PLCH2: variants seen among roughly 807,000 people sequenced by gnomAD.
PLCH2 encodes 1-phosphatidylinositol 4,5-bisphosphate phosphodiesterase eta-2.
A neutral mutation model predicts 134.7 loss-of-function variants in PLCH2; 98 were observed. The observed-to-expected ratio is 0.73, with a 90% CI of 0.62 to 0.86. The LOEUF is 0.86. Among genes scored for constraint, PLCH2 ranks in the 40% least tolerant of loss-of-function variants. The probability of loss-of-function intolerance (pLI) is 0.00; values close to 1 mark genes in which losing one functional copy is unlikely to be tolerated. For synonymous variants in PLCH2, 974 were observed against 827.5 expected (o/e 1.18, Z -3.04); for missense variants, 1,994 against 1,986.6 (o/e 1.00, Z -0.07).
At chr1:2,484,373 G>C in intron 4 of PLCH2, 75 bp from the exon 5 acceptor site, 1 of 1,422,296 alleles carries the variant, frequency 7.0e-7, no homozygotes, top group Non-Finnish European at 9.8e-7. Context: ...TGGGGAGTGG[G>C]GTGGTCCTGA....
the PLCH2 span, among the ~76,000 whole-genome samples, chr1:2,419,902 C>T: frequency 6.6e-6 from 1 of 152,036 alleles, no homozygotes; most frequent in South Asian, 2.1e-4. Context: ...CTCGGAACTG[C>T]TGCACCTGCT....
Position 2,484,563 on chromosome 1 carries a change from A to C in PLCH2, c.761A>C (p.His254Pro), listed in dbSNP as rs1349377240. ...LYLLMLTYSN[H>P]KDHLDAASLQ... ...CTGCTCATGCTGACCTACAGCAACC[A>C]CAAGGACCACCTGGATGCCGCCAGC... The change falls in exon 5 of 22, where the codon CAC becomes CCC. Residue 254 changes from histidine (H) to proline (P), a missense_variant. Physicochemically the swap from His to Pro is moderately conservative, Grantham distance 77 (BLOSUM62 -2). Coordinates refer to ENST00000378486, the MANE Select transcript of PLCH2 (RefSeq NM_014638.4). The C allele has an allele frequency of 1.2e-6, 2 of 1,613,154 alleles. No individual in the cohort carries two copies. Among genetic ancestry groups the C allele is most frequent in the Non-Finnish European group, 1.7e-6 (2 of 1,179,798 alleles).
chr1:2,463,949 C>A (rs2100597061), upstream of PLCH2, among the ~76,000 whole-genome samples: 1 of 152,362 alleles, frequency 6.6e-6, no homozygotes, highest in East Asian at 1.9e-4. Flanking sequence ...GTCTCCTGAG[C>A]TGGCCGGAGC....
chr1:2,495,918 C>G (rs1642859144), intron 13 of PLCH2, among the ~76,000 whole-genome samples: 1 of 152,170 alleles, frequency 6.6e-6, no homozygotes, highest in South Asian at 2.1e-4. Flanking sequence ...AAGTGGCTCC[C>G]CCTCTTCCCG....
intron 2 of PLCH2, among the ~76,000 whole-genome samples, chr1:2,442,085 G>A (rs920080240): frequency 1.9e-4 from 29 of 152,170 alleles, no homozygotes; most frequent in Admixed American, 9.2e-4. Flanking sequence ...CAGGCGGCAG[G>A]ACGTAGCCTC....
chr1:2,425,118 G>A (rs558462309), upstream of PLCH2, among the ~76,000 whole-genome samples: 40 of 148,534 alleles, frequency 2.7e-4, no homozygotes, highest in Non-Finnish European at 5.6e-4. Flanking sequence ...AGCGGAGATC[G>A]CGCCACCGCA....
Position 2,486,048 on chromosome 1 carries a change from C to G in PLCH2, c.817-859C>G, listed in dbSNP as rs980263695. 1.5e-4 allele frequency among the ~76,000 whole-genome samples: 23 copies of G among 152,308 alleles called. 1 individual carries two copies. The highest frequency in any genetic ancestry group is 5.5e-4 in the African/African-American group (23 of 41,566). On this transcript the variant is annotated intron_variant, in intron 5 of 21. Coordinates refer to ENST00000378486, the MANE Select transcript of PLCH2 (RefSeq NM_014638.4). ...GCTAGACCCCACTGTCTCGGATGCC[C>G]TGTGCCCTGGCCACCAGGGGCGGCA...
At chr1:2,417,317 A>C in the PLCH2 span, among the ~76,000 whole-genome samples, 12 of 152,268 alleles carry the variant, frequency 7.9e-5, 1 homozygote, top group African/African-American at 2.9e-4. Flanking sequence ...TGCACTGGTA[A>C]GAGTGAGGGA....
chr1:2,499,825 G>A (rs1643117953), intron 20 of PLCH2, 105 bp downstream of exon 20: 1 of 893,162 alleles, frequency 1.1e-6, no homozygotes, highest in African/African-American at 1.6e-5. Flanking sequence ...AACTCAGGCA[G>A]TGAGGCCTAG....
At position 2,439,238 on chromosome 1, in the gene PLCH2, C is replaced by A. The variant is rs1298454748; in HGVS notation, c.115+8609C>A. Among the ~76,000 whole-genome samples the A allele has an allele frequency of 4.4e-5, 4 of 90,258 alleles. No individual in the cohort carries two copies. Among genetic ancestry groups the A allele is most frequent in the African/African-American group, 1.4e-4 (2 of 14,412 alleles). 59.2% of individuals were successfully genotyped at this position (90,258 alleles called of 152,430 possible). A position where few individuals can be genotyped will look rare whatever the true frequency, so the allele number is the denominator to read the frequency against. ...TAAGGGCAGGCAGTGCCTATAAAGA[C>A]CTTTGGCCCCCCCGAGGGTGTCCTC... On this transcript the variant is annotated intron_variant, in intron 2 of 3. Transcript: ENST00000609981. The surrounding 1 kb of genome is among the most constrained non-coding windows in gnomAD (Gnocchi z 4.7).
intron 1 of PLCH2, among the ~76,000 whole-genome samples, chr1:2,477,215 G>A (rs961963208): frequency 2.6e-5 from 4 of 152,106 alleles, no homozygotes; most frequent in South Asian, 2.1e-4. Flanking sequence ...CTGTTCCAGC[G>A]GCAGACAGGG....
chr1:2,502,528 C>A, intron 21 of PLCH2, 119 bp downstream of exon 21: 1 of 1,104,762 alleles, frequency 9.1e-7, no homozygotes, highest in Non-Finnish European at 1.3e-6. Context: ...TGGTGGGATC[C>A]TGCGCCGGCG....
intron 11 of PLCH2, chr1:2,492,364 G>C (rs1366570029): frequency 6.6e-6 from 1 of 152,304 alleles, no homozygotes; most frequent in Non-Finnish European, 1.5e-5. Flanking sequence ...AAGGTGTCTA[G>C]GTGGGGGAGA....
rs1639572226 is a variant in PLCH2 at position 2,439,144 on chromosome 1, G to A, written c.115+8515G>A. The stretch of plus-strand genomic sequence containing the variant: ...ACCATGTCTCTGGGGACCCTGGGCA[G>A]GTGCCTTTCTCTCTTTGTGCCTCAG... On this transcript the variant is annotated intron_variant, in intron 2 of 3. Coordinates refer to the PLCH2 transcript ENST00000609981. The surrounding 1 kb of genome is among the most constrained non-coding windows in gnomAD (Gnocchi z 4.7). Among the ~76,000 whole-genome samples, 1 of 152,234 alleles carries A rather than the reference G, an allele frequency of 6.6e-6. No individual in the cohort carries two copies.
Position 2,498,043 on chromosome 1 carries a change from T to C in PLCH2, c.2224+434T>C. ...CTGCTGTGGATGACTTCCAGCTTGGTCCCCCTGTGGCCCTGGCAGGAGTAT... is the reference window on the plus strand; with the variant it reads ...CTGCTGTGGATGACTTCCAGCTTGGCCCCCCTGTGGCCCTGGCAGGAGTAT... On this transcript the variant is annotated intron_variant, in intron 16 of 21. Coordinates refer to ENST00000378486, the MANE Select transcript of PLCH2 (RefSeq NM_014638.4). The surrounding 1 kb of genome is among the most constrained non-coding windows in gnomAD (Gnocchi z 5.4). 4.4e-6 allele frequency: 1 copy of C among 226,180 alleles called. No individual in the cohort carries two copies. 14.0% of individuals were successfully genotyped at this position (226,180 alleles called of 1,614,324 possible).
Position 2,476,507 on chromosome 1 carries a change from G to T in PLCH2, c.-82G>T. 7.4e-7 allele frequency: 1 copy of T among 1,347,368 alleles called. No homozygotes were observed. Among genetic ancestry groups the T allele is most frequent in the Non-Finnish European group, 9.8e-7 (1 of 1,024,946 alleles). 83.5% of individuals were successfully genotyped at this position (1,347,368 alleles called of 1,614,324 possible). On this transcript the variant is annotated 5_prime_UTR_variant, in exon 1 of 22. Transcript: ENST00000378486. ...GCCCCACGGAGGTCCTGTCGCCAGCGCTGCCACTGCCTGACCTCCGCTGCC... is the reference window on the plus strand; with the variant it reads ...GCCCCACGGAGGTCCTGTCGCCAGCTCTGCCACTGCCTGACCTCCGCTGCC...
rs1011812956 is a variant in PLCH2 at position 2,449,846 on chromosome 1, C to T, written c.115+19217C>T. 5.9e-5 allele frequency among the ~76,000 whole-genome samples: 9 copies of T among 152,220 alleles called. 1 individual carries two copies. Among genetic ancestry groups the T allele is most frequent in the Non-Finnish European group, 1.2e-4 (8 of 68,022 alleles). ...GCTGCCCCAGCCTCGCCCCGTCCTG[C>T]CCCTGCTCCGTGACGCTCCCTGGAA... On this transcript the variant is annotated intron_variant, in intron 2 of 3. Transcript: ENST00000609981.
upstream of PLCH2, among the ~76,000 whole-genome samples, chr1:2,471,473 C>A (rs1051754433): frequency 6.6e-6 from 1 of 152,262 alleles, no homozygotes; most frequent in Admixed American, 6.5e-5. Context: ...TTCTGTGCAA[C>A]TGGGACTGCT....
At chr1:2,483,673 G>T (rs1642095174) in intron 4 of PLCH2, among the ~76,000 whole-genome samples, 1 of 152,082 alleles carries the variant, frequency 6.6e-6, no homozygotes, top group African/African-American at 2.4e-5. Context: ...GGACTTTATT[G>T]CTGCCATGGG....
Sources: allele counts gnomAD v4.1 joint callset (sites outside exome capture counted in the v4.1 genomes callset), GRCh38; gene constraint gnomAD v4.1.1; non-coding constraint Gnocchi (gnomAD v3.1); transcripts MANE v1.5; gene names NCBI Gene and HGNC (gene_info 2026-07-23, HGNC 2026-07-21).